Variants in ALPL observed in about 807,000 individuals in gnomAD.
The protein encoded by ALPL is alkaline phosphatase, biomineralization associated, also known as alkaline phosphatase, tissue-nonspecific isozyme.
Under a neutral mutation model 51.3 loss-of-function variants are expected in ALPL, and 42 were observed. That is an observed-to-expected ratio of 0.82 (90% CI 0.64 to 1.06). The LOEUF (loss-of-function observed/expected upper bound fraction) is 1.06, where lower values mean the gene tolerates loss of function less well. ALPL is among the 50% of genes least tolerant of loss of function. The pLI, the probability that ALPL is intolerant of heterozygous loss-of-function variation, is 0.00. For synonymous variants in ALPL, 279 were observed against 296.4 expected (o/e 0.94, Z 0.60); for missense variants, 589 against 709.4 (o/e 0.83, Z 1.93).
At chr1:21,518,783 TC>T (rs1160734606) in intron 1 of ALPL, among the ~76,000 whole-genome samples, 1 of 152,078 alleles carries the variant, frequency 6.6e-6, no homozygotes, top group Non-Finnish European at 1.5e-5. Flanking sequence ...CCCTTTTTTC[TC>T]CCCTGAAAAC....
chr1:21,517,802 G>T (rs556012549), intron 1 of ALPL, among the ~76,000 whole-genome samples: 6 of 152,126 alleles, frequency 3.9e-5, no homozygotes, highest in Non-Finnish European at 2.9e-5. Flanking sequence ...CGAATAGCCA[G>T]CATGTCTCCT....
intron 9 of ALPL, 68 bp from the exon 10 acceptor site, chr1:21,575,665 T>G (rs1042999371): frequency 1.9e-6 from 3 of 1,579,644 alleles, no homozygotes; most frequent in African/African-American, 1.3e-5. Context: ...AGCAGCAGTG[T>G]TGTGGGGCTG....
chr1:21,553,917 T>A (rs1644364256), intron 1 of ALPL, 61 bp from the exon 2 acceptor site: 1 of 681,272 alleles, frequency 1.5e-6, no homozygotes, highest in South Asian at 1.6e-5. Flanking sequence ...AATAAGTGAG[T>A]GAAAAAGGAT....
At chr1:21,526,911 A>C (rs1270084175) in intron 1 of ALPL, among the ~76,000 whole-genome samples, 1 of 151,918 alleles carries the variant, frequency 6.6e-6, no homozygotes, top group East Asian at 1.9e-4. Flanking sequence ...CAGTTTCCAC[A>C]CCCTTCACTG....
chr1:21,566,624 C>G (rs1479850576), intron 6 of ALPL, among the ~76,000 whole-genome samples: 1 of 151,872 alleles, frequency 6.6e-6, no homozygotes, highest in African/African-American at 2.4e-5. Context: ...GGGTCTCACT[C>G]TGTTGCCCAG....
In ALPL at chr1:21,563,974, G is replaced by C. The variant is rs1344882568; in HGVS notation, c.473-67G>C. 5 of 1,588,356 alleles carry C rather than the reference G, an allele frequency of 3.1e-6. No individual in the cohort carries two copies. The East Asian group carries it at 9.0e-5, about 29-fold the overall frequency. On this transcript the variant is annotated intron_variant, in intron 5 of 11. Transcript: ENST00000374840. ...CTGTCTTTAGCGGGGAGGGGGAAGG[G>C]AGGGAGGAGGCCTCTGGGACACCCC...
chr1:21,572,877 C>T (rs1450616066), intron 8 of ALPL, among the ~76,000 whole-genome samples: 1 of 152,044 alleles, frequency 6.6e-6, no homozygotes, highest in Non-Finnish European at 1.5e-5. Context: ...GCACAGGCCA[C>T]CGTGCCCTTC....
Position 21,575,854 on chromosome 1 carries a change from C to T in ALPL, c.1119C>T (p.Thr373=), listed in dbSNP as rs112335417. The T allele has an allele frequency of 1.5e-3, 2,348 of 1,614,232 alleles. 36 individuals carry two copies. The African/African-American group carries it at 0.027, about 19-fold the overall frequency. The change falls in exon 10 of 12, where the codon ACC becomes ACT. Residue 373 remains threonine, a synonymous_variant. Coordinates refer to ENST00000374840, the MANE Select transcript of ALPL (RefSeq NM_000478.6). ...TGACCTCCTCGGAAGACACTCTGAC[C>T]GTGGTCACTGCGGACCATTCCCACG... ...GSLTSSEDTL[T]VVTADHSHVF...
chr1:21,522,630 G>A (rs1381217497), intron 1 of ALPL, among the ~76,000 whole-genome samples: 6 of 152,218 alleles, frequency 3.9e-5, no homozygotes, highest in Middle Eastern at 3.4e-3. Flanking sequence ...TAGAACAAAC[G>A]GGAACAGTAG....
intron 1 of ALPL, among the ~76,000 whole-genome samples, chr1:21,514,344 C>T (rs1269542184): frequency 6.6e-6 from 1 of 152,174 alleles, no homozygotes; most frequent in Non-Finnish European, 1.5e-5. Context: ...ACCCCTTGCT[C>T]CCCAAGAGCC....
At chr1:21,531,203 C>T (rs1040942900) in intron 1 of ALPL, among the ~76,000 whole-genome samples, 2 of 152,134 alleles carry the variant, frequency 1.3e-5, no homozygotes, top group Admixed American at 6.6e-5. Flanking sequence ...AAGTGATCCA[C>T]CCGCCTTGGC....
At chr1:21,544,923 A>G (rs949039179) in intron 1 of ALPL, among the ~76,000 whole-genome samples, 1 of 152,078 alleles carries the variant, frequency 6.6e-6, no homozygotes, top group Admixed American at 6.5e-5. Flanking sequence ...TTTTTCTTGT[A>G]AACAGGACAT....
At position 21,564,332 on chromosome 1, in the gene ALPL, C is replaced by A; in HGVS notation, c.648+116C>A. 1 of 1,323,790 alleles carries A rather than the reference C, an allele frequency of 7.6e-7. No individual in the cohort carries two copies. The highest frequency in any genetic ancestry group is 1.0e-6 in the Non-Finnish European group (1 of 958,676). 82.0% of individuals were successfully genotyped at this position (1,323,790 alleles called of 1,614,324 possible). A position where few individuals can be genotyped will look rare whatever the true frequency, so the allele number is the denominator to read the frequency against. ...CAGCCTGGCCTGGCTCCCCACACAC[C>A]TGGGAGGCTCCCAGCCCATTAGGGG... On this transcript the variant is annotated intron_variant, in intron 6 of 11. Coordinates refer to ENST00000374840, the MANE Select transcript of ALPL (RefSeq NM_000478.6). This position sits in a 1 kb window ranked among gnomAD's most constrained non-coding sequence, Gnocchi z 5.8.
chr1:21,554,692 G>T (rs374070632), intron 2 of ALPL, among the ~76,000 whole-genome samples: 4 of 150,876 alleles, frequency 2.7e-5, no homozygotes, highest in Admixed American at 6.6e-5. Flanking sequence ...GGGTTTCACC[G>T]TGTTAGCCAG....
chr1:21,534,422 T>C (rs926921137), intron 1 of ALPL, among the ~76,000 whole-genome samples: 1 of 152,114 alleles, frequency 6.6e-6, no homozygotes, highest in African/African-American at 2.4e-5. Flanking sequence ...TCATAAGACC[T>C]GAGATAGAGA....
chr1:21,577,385 C>G lies in ALPL; in HGVS notation c.1312C>G (p.His438Asp). Residue 438 changes from histidine to aspartate, a missense_variant and splice_region_variant, in exon 12 of 12, where the codon CAC becomes GAC. His to Asp is a moderately conservative substitution (Grantham distance 81). Coordinates refer to ENST00000374840, the MANE Select transcript of ALPL (RefSeq NM_000478.6). ...RENVSMVDYA[H>D]NNYQAQSAVP... ...CAGGTGTTTCCCCTGGCCCACAGCT[C>G]ACAACAACTACCAGGCGCAGTCTGC... is the stretch of plus-strand genomic sequence containing the variant. The G allele has an allele frequency of 6.2e-7, 1 of 1,613,292 alleles. No homozygotes were observed. Among genetic ancestry groups the G allele is most frequent in the Non-Finnish European group, 8.5e-7 (1 of 1,179,964 alleles).
intron 1 of ALPL, among the ~76,000 whole-genome samples, chr1:21,528,349 T>G (rs1388617966): frequency 2.8e-5 from 4 of 144,888 alleles, no homozygotes; most frequent in Admixed American, 6.9e-5. Flanking sequence ...TCAGTTTTTT[T>G]TTTTTTTTTT....
chr1:21,539,772 A>G (rs1353054788), intron 1 of ALPL, among the ~76,000 whole-genome samples: 5 of 150,574 alleles, frequency 3.3e-5, no homozygotes, highest in Non-Finnish European at 7.4e-5. Context: ...CTCCTGCCTC[A>G]GCCTCCCGAG....
intron 7 of ALPL, among the ~76,000 whole-genome samples, chr1:21,569,084 G>A (rs2148174114): frequency 6.6e-6 from 1 of 152,258 alleles, no homozygotes. Context: ...GATGAGGCTG[G>A]GCCAAGAACG....
Sources: allele counts gnomAD v4.1 joint callset (sites outside exome capture counted in the v4.1 genomes callset), GRCh38; gene constraint gnomAD v4.1.1; non-coding constraint Gnocchi (gnomAD v3.1); transcripts MANE v1.5; gene names NCBI Gene and HGNC (gene_info 2026-07-23, HGNC 2026-07-21).